Variants in TACC2 observed in about 807,000 individuals in gnomAD.
TACC2 encodes the protein transforming acidic coiled-coil containing protein 2.
Under a neutral mutation model 227.3 loss-of-function variants are expected in TACC2, and 137 were observed. The observed-to-expected ratio is 0.60, with a 90% CI of 0.52 to 0.69. TACC2 has a LOEUF of 0.69. TACC2 is among the 30% of genes least tolerant of loss of function. The pLI, the probability that TACC2 is intolerant of heterozygous loss-of-function variation, is 0.00. For missense variants in TACC2, 3,470 were observed against 3,694.4 expected (o/e 0.94, Z 1.57); for synonymous variants, 1,523 against 1,487.5 (o/e 1.02, Z -0.55).
chr10:122,011,821 T>C (rs2135346665), intron 1 of TACC2, among the ~76,000 whole-genome samples: 1 of 152,332 alleles, frequency 6.6e-6, no homozygotes, highest in Admixed American at 6.5e-5. Flanking sequence ...AAATATTTAT[T>C]GGATTCCAGT....
chr10:122,132,262 G>A (rs1427499171), intron 5 of TACC2, among the ~76,000 whole-genome samples: 1 of 152,006 alleles, frequency 6.6e-6, no homozygotes, highest in East Asian at 2.0e-4. Flanking sequence ...AAACTTGTAG[G>A]AGGCCAGGCA....
chr10:122,113,283 C>G (rs2083980627), intron 5 of TACC2: 1 of 152,320 alleles, frequency 6.6e-6, no homozygotes, highest in Non-Finnish European at 1.5e-5. Flanking sequence ...GATGGGCGCC[C>G]GAAGGACCTT....
intron 15 of TACC2, 74 bp downstream of exon 15, chr10:122,229,560 G>A: frequency 6.4e-7 from 1 of 1,550,536 alleles, no homozygotes; most frequent in Non-Finnish European, 8.8e-7. Context: ...AGGCCCAAAT[G>A]AAATAAGGCA....
chr10:122,165,383 A>G (rs2093096867), intron 7 of TACC2, among the ~76,000 whole-genome samples: 1 of 152,168 alleles, frequency 6.6e-6, no homozygotes, highest in African/African-American at 2.4e-5. Context: ...TAGGAAACAG[A>G]AAGGACAATG....
rs4752657 is a variant in TACC2, at chr10:122,141,688, C to G, written c.5700-1884C>G. ...CAGATCTAAGGTAGCATCTCCCCCC[C>G]ACCCGCCACTGTTTTCTAAGACAGA... On this transcript the variant is annotated intron_variant, in intron 6 of 22. Transcript: ENST00000369005. This position sits in a 1 kb window ranked among gnomAD's most constrained non-coding sequence, Gnocchi z 4.3. Among the ~76,000 whole-genome samples the G allele has an allele frequency of 0.19, 29,195 of 152,058 alleles. 3,377 individuals carry two copies. The highest frequency in any genetic ancestry group is 0.3 in the Middle Eastern group (87 of 294).
rs1462754633 is a variant in TACC2, at chr10:122,210,632, G to C, written c.6207G>C (p.Arg2069=). The change falls in exon 9 of 23, where the codon CGG becomes CGC. Residue 2069 remains arginine (R), a synonymous_variant. Transcript: ENST00000369005. This position sits in a 1 kb window ranked among gnomAD's most constrained non-coding sequence, Gnocchi z 4.6. Reference sequence around the variant, plus strand: ...ATCAGGAGGGCAAAGTGAACACACGGAGGAAGTCCACGGATTCCGTCCCCA... The same window carrying C: ...ATCAGGAGGGCAAAGTGAACACACGCAGGAAGTCCACGGATTCCGTCCCCA... ...AKNQEGKVNT[R]RKSTDSVPIS... 2 of 1,614,084 alleles carry C rather than the reference G, an allele frequency of 1.2e-6. No individual in the cohort carries two copies. The highest frequency in any genetic ancestry group is 1.7e-6 in the Non-Finnish European group (2 of 1,180,032).
rs767958887 is a variant in TACC2, at chr10:122,226,428, C to A, written c.7671C>A (p.Ser2557Arg). 1.2e-6 allele frequency: 2 copies of A among 1,613,938 alleles called. No homozygotes were observed. Among genetic ancestry groups the A allele is most frequent in the African/African-American group, 1.3e-5 (1 of 74,914 alleles). Residue 2557 changes from serine to arginine, a missense_variant, in exon 13 of 23, where the codon AGC (serine) becomes AGA (arginine). Around this residue, in one of 10 missense-constraint regions of TACC2, gnomAD observed 345 missense variants for 354.4 expected, o/e 0.97. Transcript: ENST00000369005. ...TTATGTTTGACACTTCTCAGGAGAG[C>A]CCTGTCAAGTCATCTCCCGTCCGCA... ...LYLMFDTSQE[S>R]PVKSSPVRMS...
rs1241430697 is a variant in TACC2 at position 122,141,169 on chromosome 10, G to GGGA, written c.5700-2391_5700-2389dup. Among the ~76,000 whole-genome samples the GGGA allele has an allele frequency of 6.6e-6, 1 of 152,122 alleles. No homozygotes were observed. The highest frequency in any genetic ancestry group is 1.5e-5 in the Non-Finnish European group (1 of 68,014). ...GCCACTACCTTGCTGGGAAAATTGG[G>GGGA]GGAGGAGGAGGAGGGTCAGGAGGGA... On this transcript the variant is annotated intron_variant, in intron 6 of 22. Transcript: ENST00000369005. The surrounding 1 kb of genome is among the most constrained non-coding windows in gnomAD (Gnocchi z 4.3).
chr10:121,993,140 A>G (rs1953106069), intron 1 of TACC2, among the ~76,000 whole-genome samples: 1 of 152,078 alleles, frequency 6.6e-6, no homozygotes, highest in Non-Finnish European at 1.5e-5. Flanking sequence ...GCAATGTTGC[A>G]AGACCCCTGC....
At chr10:122,101,916 G>A (rs2082212502) in intron 5 of TACC2, among the ~76,000 whole-genome samples, 1 of 151,756 alleles carries the variant, frequency 6.6e-6, no homozygotes, top group Non-Finnish European at 1.5e-5. Flanking sequence ...AAAAGGCAGA[G>A]TCTCAGGTGC....
chr10:122,233,729 C>T (rs762223562), intron 16 of TACC2, among the ~76,000 whole-genome samples: 9 of 152,000 alleles, frequency 5.9e-5, no homozygotes, highest in East Asian at 1.9e-4. Flanking sequence ...AGCTCGCGAG[C>T]GCCTGTGTAT....
intron 8 of TACC2, among the ~76,000 whole-genome samples, chr10:122,208,958 G>A (rs770967934): frequency 6.6e-6 from 1 of 152,258 alleles, no homozygotes; most frequent in Non-Finnish European, 1.5e-5. Flanking sequence ...GAAAGATGCC[G>A]CTGGGTGCCA....
Position 122,085,785 on chromosome 10 carries a change from C to T in TACC2, c.3285C>T (p.Ala1095=), listed in dbSNP as rs745988155. ...TQEGRQQPVP[A]PQQKMECWAT... ...AAGGCAGGCAGCAACCAGTGCCGGC[C>T]CCGCAGCAGAAAATGGAGTGCTGGG... Residue 1095 remains alanine (A), a synonymous_variant, in exon 4 of 23, where the codon GCC becomes GCT. Coordinates refer to ENST00000369005, the MANE Select transcript of TACC2 (RefSeq NM_206862.4). 21 of 1,613,524 alleles carry T rather than the reference C, an allele frequency of 1.3e-5. No individual in the cohort carries two copies. The African/African-American group carries it at 2.3e-4, about 17-fold the overall frequency.
chr10:122,044,860 T>C (rs1479302508), intron 2 of TACC2, among the ~76,000 whole-genome samples: 2 of 152,084 alleles, frequency 1.3e-5, no homozygotes, highest in African/African-American at 4.8e-5. Flanking sequence ...GGGAAAGATT[T>C]GAAGAAGCAA....
intron 5 of TACC2, among the ~76,000 whole-genome samples, chr10:122,108,704 A>G (rs11598315): frequency 0.32 from 47,418 of 149,864 alleles, 8,799 homozygotes; most frequent in South Asian, 0.44. Context: ...CGGCCTCCCA[A>G]AGTGCTGGGA....
intron 5 of TACC2, among the ~76,000 whole-genome samples, chr10:122,117,903 C>G (rs11200409): frequency 1.5e-3 from 223 of 152,146 alleles, no homozygotes; most frequent in Non-Finnish European, 2.5e-3. Flanking sequence ...TCCTTTTATA[C>G]CCAGGACACC....
At chr10:122,076,511 T>C (rs1334994749) in intron 3 of TACC2, among the ~76,000 whole-genome samples, 3 of 152,194 alleles carry the variant, frequency 2.0e-5, no homozygotes, top group Non-Finnish European at 4.4e-5. Context: ...CGAGTAGCAG[T>C]GATGATGTTA....
intron 22 of TACC2, among the ~76,000 whole-genome samples, chr10:122,250,175 T>G (rs1208962252): frequency 6.6e-6 from 1 of 152,190 alleles, no homozygotes; most frequent in Admixed American, 6.5e-5. Context: ...CTGGCACCCC[T>G]CCATCCACTG....
At chr10:122,253,579 T>A (rs141544219) in intron 22 of TACC2, among the ~76,000 whole-genome samples, 76 of 152,178 alleles carry the variant, frequency 5.0e-4, no homozygotes, top group African/African-American at 1.5e-3. Context: ...CTCCTTATGC[T>A]ACATCTCAAA....
Sources: gnomAD v4.1 joint callset for allele counts (sites outside exome capture counted in the v4.1 genomes callset) on GRCh38, gnomAD v4.1.1 for gene constraint, gnomAD v4.1.1 regional missense constraint, Gnocchi (gnomAD v3.1) non-coding constraint, MANE v1.5 for transcripts, NCBI Gene and HGNC (gene_info 2026-07-23, HGNC 2026-07-21) for gene names.